Variants in NVL observed in about 807,000 individuals in gnomAD.
NVL encodes the protein nuclear valosin-containing protein-like.
NVL carries 84 observed loss-of-function variants against 110.2 expected under a neutral mutation model. The observed-to-expected ratio is 0.76, with a 90% CI of 0.64 to 0.91. NVL has a LOEUF of 0.91. Among genes scored for constraint, NVL ranks in the 40% least tolerant of loss-of-function variants. NVL has a pLI of 0.00. For missense variants in NVL, 882 were observed against 1,035.9 expected (o/e 0.85, Z 2.04); for synonymous variants, 354 against 361.1 (o/e 0.98, Z 0.22).
At chr1:224,328,350 T>A (rs575393070) in intron 1 of NVL, among the ~76,000 whole-genome samples, 1 of 151,596 alleles carries the variant, frequency 6.6e-6, no homozygotes, top group East Asian at 1.9e-4. Flanking sequence ...TGAAATCCCA[T>A]CCCTACTAAA....
At chr1:224,248,898 A>C (rs1662150903) in intron 19 of NVL, among the ~76,000 whole-genome samples, 3 of 152,222 alleles carry the variant, frequency 2.0e-5, no homozygotes, top group Admixed American at 2.0e-4. Context: ...AGCTGGACAG[A>C]ACTGGGTACA....
At chr1:224,259,970 G>A (rs146584999) in intron 18 of NVL, among the ~76,000 whole-genome samples, 307 of 151,746 alleles carry the variant, frequency 2.0e-3, no homozygotes, top group African/African-American at 7.0e-3. Flanking sequence ...GCATCCAGCC[G>A]TAAACAAATA....
chr1:224,301,989 A>C (rs1005193868), intron 9 of NVL, among the ~76,000 whole-genome samples: 5 of 152,020 alleles, frequency 3.3e-5, no homozygotes, highest in African/African-American at 1.2e-4. Context: ...TATGTACAGC[A>C]TTTATTTATA....
Position 224,264,938 on chromosome 1 carries a change from G to A in NVL, c.2182+3096C>T, listed in dbSNP as rs758607302. 6.0e-4 allele frequency among the ~76,000 whole-genome samples: 91 copies of A among 152,014 alleles called. No individual in the cohort carries two copies. The Middle Eastern group carries it at 0.017, about 28-fold the overall frequency. ...ATCTTTTTTAATTTTTAGTAGAGACGGGGTTTCACCATGTTAGCTGATGGT... is the reference window on the plus strand; with the variant it reads ...ATCTTTTTTAATTTTTAGTAGAGACAGGGTTTCACCATGTTAGCTGATGGT... On this transcript the variant is annotated intron_variant, in intron 18 of 22. Coordinates refer to ENST00000281701, the MANE Select transcript of NVL (RefSeq NM_002533.4).
intron 18 of NVL, among the ~76,000 whole-genome samples, chr1:224,254,069 TG>T (rs1457991810): frequency 6.6e-6 from 1 of 152,072 alleles, no homozygotes; most frequent in Non-Finnish European, 1.5e-5. Context: ...CAAAGAAAAA[TG>T]GTATATATTT....
intron 15 of NVL, among the ~76,000 whole-genome samples, chr1:224,283,284 G>A (rs1666553233): frequency 6.6e-6 from 1 of 152,112 alleles, no homozygotes; most frequent in Admixed American, 6.6e-5. Flanking sequence ...TCAGGAGATC[G>A]AGACCATCCT....
intron 13 of NVL, among the ~76,000 whole-genome samples, chr1:224,288,374 T>C (rs1571956898): frequency 6.6e-6 from 1 of 152,028 alleles, no homozygotes; most frequent in African/African-American, 2.4e-5. Context: ...ATGCTGGAGG[T>C]AGTATAATTC....
Position 224,290,409 on chromosome 1 carries a change from C to CT in NVL, c.1326-677_1326-676insA, listed in dbSNP as rs777381744. Among the ~76,000 whole-genome samples, 9 of 152,326 alleles carry CT rather than the reference C, an allele frequency of 5.9e-5. No individual in the cohort carries two copies. In the South Asian group the frequency reaches 1.7e-3, roughly 28 times the overall value. ...CGGTGGCTCACACCTGCAATCCCAGCACTCTGGGAGGCTGAGGCAGGCAAA... is the reference window on the plus strand; with the variant it reads ...CGGTGGCTCACACCTGCAATCCCAGCTACTCTGGGAGGCTGAGGCAGGCAAA... On this transcript the variant is annotated intron_variant, in intron 12 of 22. Coordinates refer to ENST00000281701, the MANE Select transcript of NVL (RefSeq NM_002533.4).
At chr1:224,272,412 G>A (rs1471013079) in intron 17 of NVL, among the ~76,000 whole-genome samples, 1 of 151,960 alleles carries the variant, frequency 6.6e-6, no homozygotes, top group Non-Finnish European at 1.5e-5. Context: ...TGCTTTAGGT[G>A]AAAATGTTAG....
At chr1:224,243,780 G>T (rs1376298447) in intron 19 of NVL, among the ~76,000 whole-genome samples, 1 of 149,700 alleles carries the variant, frequency 6.7e-6, no homozygotes, top group African/African-American at 2.5e-5. Context: ...TCCTGCCTTA[G>T]TCTCCCAAGT....
intron 9 of NVL, chr1:224,302,864 C>A: frequency 3.6e-6 from 1 of 280,162 alleles, no homozygotes; most frequent in South Asian, 2.8e-5. Flanking sequence ...AGCCAGGCAA[C>A]ATAGTGGGCT....
chr1:224,270,933 G>A (rs1665031324), intron 17 of NVL, among the ~76,000 whole-genome samples: 1 of 152,158 alleles, frequency 6.6e-6, no homozygotes, highest in South Asian at 2.1e-4. Flanking sequence ...TGTGAAGGAT[G>A]ATACAGCATT....
intron 2 of NVL, among the ~76,000 whole-genome samples, chr1:224,323,100 C>CA (rs768942309): frequency 6.6e-6 from 1 of 152,126 alleles, no homozygotes; most frequent in Non-Finnish European, 1.5e-5. Context: ...GGTGAGGTCT[C>CA]AGACAGAAAT....
At chr1:224,281,009 T>A in intron 16 of NVL, 114 bp downstream of exon 16, 2 of 985,750 alleles carry the variant, frequency 2.0e-6, no homozygotes, top group South Asian at 2.7e-5. Flanking sequence ...ACAGCACTGA[T>A]TTTAAATACC....
rs185316429 is a variant in NVL, at chr1:224,267,911, T to C, written c.2182+123A>G. The C allele has an allele frequency of 1.1e-3, 746 of 661,720 alleles. 5 individuals are homozygous for C. In the African/African-American group the frequency reaches 0.012, roughly 11 times the overall value. The allele number at this position is 661,720 out of a possible 1,614,324, so 41.0% of individuals were successfully genotyped here. Reference sequence around the variant, plus strand: ...TTTAATCTTCCTTTCCTAGGATGCATGTGAATTATATTGTTTATAAATGCT... The same window carrying C: ...TTTAATCTTCCTTTCCTAGGATGCACGTGAATTATATTGTTTATAAATGCT... On this transcript the variant is annotated intron_variant, in intron 18 of 22. Coordinates refer to ENST00000281701, the MANE Select transcript of NVL (RefSeq NM_002533.4).
At chr1:224,325,134 C>T (rs779861080) in intron 2 of NVL, among the ~76,000 whole-genome samples, 2 of 151,574 alleles carry the variant, frequency 1.3e-5, no homozygotes, top group African/African-American at 2.4e-5. Context: ...GGTTAGCACA[C>T]GCCTGTAATC....
At chr1:224,310,178 C>CAAAAA (rs1230097656) in intron 5 of NVL, among the ~76,000 whole-genome samples, 10 of 39,032 alleles carry the variant, frequency 2.6e-4, no homozygotes, top group Non-Finnish European at 3.2e-4. Context: ...GACTCCCTCG[C>CAAAAA]AAAAAAAAAA....
rs1160783912 is a variant in NVL, at chr1:224,326,435, A to C, written c.87T>G (p.Tyr29Ter). 1.9e-6 allele frequency: 3 copies of C among 1,612,724 alleles called. No individual in the cohort carries two copies. The highest frequency in any genetic ancestry group is 2.5e-6 in the Non-Finnish European group (3 of 1,179,080). The change falls in exon 2 of 23, where the codon TAT (tyrosine) becomes TAG (stop). Residue 29 changes from tyrosine to a stop codon, truncating the protein, a stop_gained. Transcript: ENST00000281701. LOFTEE classifies it high-confidence loss of function. ...QYLTSNKCGK[Y>*]VDIGVLASDL... The stretch of plus-strand genomic sequence containing the variant: ...CAGACGCTAAGACTCCAATGTCCAC[A>C]TATTTGCCACATTTGTTACTGGTAA...
Position 224,239,908 on chromosome 1 carries a change from G to A in NVL, c.2290-3326C>T, listed in dbSNP as rs1431486522. ...TTCTCTTTGTGAGGACCCAGAGGAG[G>A]AATTTTTCTTTTTTCTGTCTCGCTG... is the stretch of plus-strand genomic sequence containing the variant. On this transcript the variant is annotated intron_variant, in intron 19 of 22. Coordinates refer to ENST00000281701, the MANE Select transcript of NVL (RefSeq NM_002533.4). Among the ~76,000 whole-genome samples the A allele has an allele frequency of 2.0e-5, 3 of 152,010 alleles. No homozygotes were observed. The East Asian group carries it at 5.8e-4, about 29-fold the overall frequency.
Sources: gnomAD v4.1 joint callset for allele counts (sites outside exome capture counted in the v4.1 genomes callset) on GRCh38, gnomAD v4.1.1 for gene constraint, MANE v1.5 for transcripts, NCBI Gene and HGNC (gene_info 2026-07-23, HGNC 2026-07-21) for gene names.